PLAG1: variants seen among roughly 807,000 people sequenced by gnomAD.
PLAG1 encodes zinc finger protein PLAG1.
In PLAG1, 7 loss-of-function variants were observed where a neutral mutation model predicts 35.5. The ratio of observed to expected loss-of-function variants is 0.20; its 90% CI spans 0.11 to 0.37. PLAG1 has a LOEUF of 0.37. PLAG1 is among the 10% of genes least tolerant of loss of function. The probability of loss-of-function intolerance (pLI) is 1.00; values close to 1 mark genes in which losing one functional copy is unlikely to be tolerated. For missense variants in PLAG1, 454 were observed against 602.8 expected (o/e 0.75, Z 2.58); for synonymous variants, 229 against 225.4 (o/e 1.02, Z -0.14).
At chr8:56,175,582 T>G (rs947281753) in intron 2 of PLAG1, among the ~76,000 whole-genome samples, 4 of 152,232 alleles carry the variant, frequency 2.6e-5, no homozygotes, top group African/African-American at 9.6e-5. Flanking sequence ...CTTTTTGAAT[T>G]ACTGCGTTTT....
intron 3 of PLAG1, 30 bp downstream of exon 3, chr8:56,171,061 A>C: frequency 1.9e-6 from 1 of 526,896 alleles, no homozygotes; most frequent in Non-Finnish European, 2.4e-6. Flanking sequence ...GCATGCATAG[A>C]ATTATAGTGA....
At chr8:56,196,121 T>C (rs1389079990) in intron 1 of PLAG1, among the ~76,000 whole-genome samples, 4 of 151,998 alleles carry the variant, frequency 2.6e-5, no homozygotes, top group Non-Finnish European at 5.9e-5. Flanking sequence ...GAACCCCTAG[T>C]AGAACGAGCT....
rs1811413436 is a variant in PLAG1, at chr8:56,168,137, T to C, written c.133A>G (p.Ser45Gly). The change falls in exon 4 of 5, where the codon AGT becomes GGT. Residue 45 changes from serine (S) to glycine (G), a missense_variant. Ser to Gly is a moderately conservative substitution (Grantham distance 56). This residue lies in a region of PLAG1 where 170 missense variants were observed against 226.3 expected (regional missense o/e 0.75). Coordinates refer to ENST00000316981, the MANE Select transcript of PLAG1 (RefSeq NM_002655.3). Reference protein sequence around the residue: ...PCQLCDKAFNSVEKLKVHSYS... With the variant: ...PCQLCDKAFNGVEKLKVHSYS... The stretch of plus-strand genomic sequence containing the variant: ...GAGTGAACCTTTAATTTCTCAACAC[T>C]GTTAAAGGCCTTGTCACACAGTTGG... The C allele has an allele frequency of 2.5e-6, 4 of 1,612,714 alleles. No homozygotes were observed. The East Asian group carries it at 8.9e-5, about 36-fold the overall frequency.
At chr8:56,186,778 G>A (rs147121920) in intron 1 of PLAG1, among the ~76,000 whole-genome samples, 204 of 151,620 alleles carry the variant, frequency 1.3e-3, no homozygotes, top group African/African-American at 4.5e-3. Flanking sequence ...GTGCAATGGC[G>A]CGATCTTAGC....
Position 56,200,849 on chromosome 8 carries a change from A to G in PLAG1, c.-322+10272T>C, listed in dbSNP as rs147645114. The stretch of plus-strand genomic sequence containing the variant: ...TTACTGTCTTTACCATTCATTTAGC[A>G]TTTTAAAAAACAATGCTCTGGGATC... On this transcript the variant is annotated intron_variant, in intron 1 of 4. Coordinates refer to ENST00000316981, the MANE Select transcript of PLAG1 (RefSeq NM_002655.3). Among the ~76,000 whole-genome samples, 184 of 152,282 alleles carry G rather than the reference A, an allele frequency of 1.2e-3. 2 individuals are homozygous for G. The East Asian group carries it at 0.034, about 28-fold the overall frequency.
chr8:56,187,423 C>T (rs150245339), intron 1 of PLAG1, among the ~76,000 whole-genome samples: 458 of 152,330 alleles, frequency 3.0e-3, no homozygotes, highest in African/African-American at 0.011. Context: ...GGCTTGAATC[C>T]TGTCTGACCT....
chr8:56,195,399 TCAGA>T (rs1189696154), intron 1 of PLAG1, among the ~76,000 whole-genome samples: 1 of 152,130 alleles, frequency 6.6e-6, no homozygotes, highest in Non-Finnish European at 1.5e-5. Context: ...AGCACTGCAG[TCAGA>T]CAGCACTATT....
rs1585771842 is a variant in PLAG1 at position 56,165,225 on chromosome 8, G to A, written c.*1018C>T. The A allele has an allele frequency of 4.7e-6, 1 of 213,856 alleles. No homozygotes were observed. Among genetic ancestry groups the A allele is most frequent in the Non-Finnish European group, 9.5e-6 (1 of 105,778 alleles). The allele number at this position is 213,856 out of a possible 1,614,324, so 13.2% of individuals were successfully genotyped here. On this transcript the variant is annotated 3_prime_UTR_variant, in exon 5 of 5. Transcript: ENST00000316981. Reference sequence around the variant, plus strand: ...CACAAGTTCCCAAATGTAACCATGTGCTTCACGTCTATCTTCCTGCTTAGA... The same window carrying A: ...CACAAGTTCCCAAATGTAACCATGTACTTCACGTCTATCTTCCTGCTTAGA...
rs181239887 is a variant in PLAG1 at position 56,163,582 on chromosome 8, G to A, written c.*2661C>T. 4.5e-3 allele frequency: 898 copies of A among 198,500 alleles called. 4 individuals are homozygous for A. Among genetic ancestry groups the A allele is most frequent in the Non-Finnish European group, 7.7e-3 (737 of 95,692 alleles). The allele number at this position is 198,500 out of a possible 1,614,324, so 12.3% of individuals were successfully genotyped here. On this transcript the variant is annotated 3_prime_UTR_variant, in exon 5 of 5. Transcript: ENST00000316981. ...AAAGAGGTGTACACATGAAAATTAA[G>A]ACTCCAAAATTTTAACACTGGTGCC... is the stretch of plus-strand genomic sequence containing the variant.
chr8:56,172,241 A>G (rs1330622519), intron 2 of PLAG1, among the ~76,000 whole-genome samples: 1 of 152,232 alleles, frequency 6.6e-6, no homozygotes, highest in East Asian at 1.9e-4. Context: ...AGTATTTAAT[A>G]GAAGGCATTC....
chr8:56,196,051 A>T (rs1024171471), intron 1 of PLAG1, among the ~76,000 whole-genome samples: 2 of 152,232 alleles, frequency 1.3e-5, no homozygotes, highest in African/African-American at 4.8e-5. Flanking sequence ...TGGGGAGCAC[A>T]GAAGTGCCAT....
At chr8:56,194,547 C>T (rs955734169) in intron 1 of PLAG1, among the ~76,000 whole-genome samples, 1 of 151,694 alleles carries the variant, frequency 6.6e-6, no homozygotes, top group African/African-American at 2.4e-5. Flanking sequence ...GTGGAGGAAC[C>T]GGAAGAGCAT....
rs1391316980 is a variant in PLAG1 at position 56,167,162 on chromosome 8, T to C, written c.584A>G (p.Tyr195Cys). 4 of 1,614,018 alleles carry C rather than the reference T, an allele frequency of 2.5e-6. No individual in the cohort carries two copies. In the South Asian group the frequency reaches 4.4e-5, roughly 18 times the overall value. The change falls in exon 5 of 5, where the codon TAC (tyrosine) becomes TGC (cysteine). Residue 195 changes from tyrosine to cysteine, a missense_variant. Coordinates refer to ENST00000316981, the MANE Select transcript of PLAG1 (RefSeq NM_002655.3). This position sits in a 1 kb window ranked among gnomAD's most constrained non-coding sequence, Gnocchi z 5.9. ...GTGTCTCCGGACATCCTTTCGGGTG[T>C]AGAACCGGCGATCACAATGTTCGCA... is the stretch of plus-strand genomic sequence containing the variant. ...HQCEHCDRRF[Y>C]TRKDVRRHMV...
rs986105996 is a variant in PLAG1, at chr8:56,166,967, A to T, written c.779T>A (p.Val260Glu). 1.2e-6 allele frequency: 2 copies of T among 1,614,016 alleles called. No individual in the cohort carries two copies. Among genetic ancestry groups the T allele is most frequent in the African/African-American group, 2.7e-5 (2 of 74,930 alleles). The change falls in exon 5 of 5, where the codon GTG becomes GAG. Residue 260 changes from valine (V) to glutamate (E), a missense_variant. By Grantham distance (121) the Val-to-Glu change is moderately radical (BLOSUM62 -2). This residue lies in a region of PLAG1 where 271 missense variants were observed against 315.6 expected (regional missense o/e 0.86). Transcript: ENST00000316981. ...FLDPFTCNVS[V>E]PIKDELLPVM... ...CGGAAGGAGCTCGTCTTTTATAGGC[A>T]CAGACACATTGCAGGTAAATGGGTC...
At chr8:56,193,845 G>A (rs1157468801) in intron 1 of PLAG1, among the ~76,000 whole-genome samples, 2 of 151,568 alleles carry the variant, frequency 1.3e-5, no homozygotes, top group Middle Eastern at 3.2e-3. Context: ...CCTGCTATTC[G>A]GTAGCAGGTA....
At chr8:56,173,606 C>G (rs894386689) in intron 2 of PLAG1, among the ~76,000 whole-genome samples, 1 of 150,650 alleles carries the variant, frequency 6.6e-6, no homozygotes, top group Non-Finnish European at 1.5e-5. Flanking sequence ...AAAAAACTCA[C>G]AAAGATTGGT....
chr8:56,181,167 C>G (rs1811853645), intron 1 of PLAG1, among the ~76,000 whole-genome samples: 1 of 152,306 alleles, frequency 6.6e-6, no homozygotes, highest in South Asian at 2.1e-4. Flanking sequence ...GGTGATTCCT[C>G]AAGGATCTTG....
chr8:56,166,148 T>G lies in PLAG1; in HGVS notation c.*95A>C. ...AATTTGTATTATACAAAAGCAGAAATTTTTATACTGTTTTAAAGTAGGCAC... is the reference window on the plus strand; with the variant it reads ...AATTTGTATTATACAAAAGCAGAAAGTTTTATACTGTTTTAAAGTAGGCAC... On this transcript the variant is annotated 3_prime_UTR_variant, in exon 5 of 5. Transcript: ENST00000316981. The G allele has an allele frequency of 1.2e-6, 1 of 868,660 alleles. No individual in the cohort carries two copies. The highest frequency in any genetic ancestry group is 1.7e-6 in the Non-Finnish European group (1 of 578,486). The allele number at this position is 868,660 out of a possible 1,614,324, so 53.8% of individuals were successfully genotyped here.
chr8:56,195,386 G>A (rs1388358420), intron 1 of PLAG1, among the ~76,000 whole-genome samples: 1 of 152,198 alleles, frequency 6.6e-6, no homozygotes, highest in Non-Finnish European at 1.5e-5. Context: ...TCAGCACAGG[G>A]CAAGCACTGC....
Sources: gnomAD v4.1 joint callset for allele counts (sites outside exome capture counted in the v4.1 genomes callset) on GRCh38, gnomAD v4.1.1 for gene constraint, gnomAD v4.1.1 regional missense constraint, Gnocchi (gnomAD v3.1) non-coding constraint, MANE v1.5 for transcripts, NCBI Gene and HGNC (gene_info 2026-07-23, HGNC 2026-07-21) for gene names.